PGBD5: variants seen among roughly 807,000 people sequenced by gnomAD.
The protein encoded by PGBD5 is piggyBac transposable element-derived protein 5.
PGBD5 carries 14 observed loss-of-function variants against 47.9 expected under a neutral mutation model. The observed-to-expected ratio is 0.29, with a 90% confidence interval of 0.19 to 0.46. The LOEUF is 0.46. PGBD5 is among the 20% of genes least tolerant of loss of function. The probability of loss-of-function intolerance (pLI) is 1.00; values close to 1 mark genes in which losing one functional copy is unlikely to be tolerated. For synonymous variants in PGBD5, 316 were observed against 306.3 expected (o/e 1.03, Z -0.33); for missense variants, 635 against 716.0 (o/e 0.89, Z 1.29).
chr1:230,360,457 C>A (rs1291221685), intron 1 of PGBD5, among the ~76,000 whole-genome samples: 1 of 152,160 alleles, frequency 6.6e-6, no homozygotes, highest in East Asian at 1.9e-4. Flanking sequence ...CAAATCTCAT[C>A]TTGAATTGTA....
chr1:230,411,900 A>G (rs1265491017), intron 1 of PGBD5, among the ~76,000 whole-genome samples: 1 of 152,226 alleles, frequency 6.6e-6, no homozygotes, highest in Non-Finnish European at 1.5e-5. Flanking sequence ...GCATTTAATA[A>G]AAGTTTTTAA....
intron 1 of PGBD5, among the ~76,000 whole-genome samples, chr1:230,383,395 C>T (rs556629965): frequency 7.0e-4 from 105 of 150,690 alleles, no homozygotes; most frequent in Non-Finnish European, 1.3e-3. Context: ...GAGAGAGTCT[C>T]ACTCTGTCAC....
intron 2 of PGBD5, among the ~76,000 whole-genome samples, chr1:230,356,382 G>C (rs1667645641): frequency 1.3e-5 from 2 of 152,176 alleles, no homozygotes; most frequent in Admixed American, 1.3e-4. Context: ...AATCAGACCA[G>C]AGATGCCTGG....
intron 1 of PGBD5, among the ~76,000 whole-genome samples, chr1:230,358,920 G>C (rs76749101): frequency 0.024 from 3,631 of 152,262 alleles, 124 homozygotes; most frequent in African/African-American, 0.081. Flanking sequence ...CTGTCATTAA[G>C]TGAAGCATGA....
In PGBD5 at chr1:230,400,336, CT is replaced by C. The variant is rs1358340930; in HGVS notation, c.331+25261del. Among the ~76,000 whole-genome samples the C allele has an allele frequency of 2.0e-5, 3 of 152,134 alleles. No individual in the cohort carries two copies. In the East Asian group the frequency reaches 5.8e-4, roughly 29 times the overall value. ...ATTCTGCAACAGACGCCTTCCACCC[CT>C]CCCCCACACTCTCAAGCCCCCTAAA... is the stretch of plus-strand genomic sequence containing the variant. On this transcript the variant is annotated intron_variant, in intron 1 of 6. Transcript: ENST00000391860.
At chr1:230,404,670 G>C (rs1030364880) in intron 1 of PGBD5, among the ~76,000 whole-genome samples, 1 of 146,662 alleles carries the variant, frequency 6.8e-6, no homozygotes, top group Non-Finnish European at 1.5e-5. Context: ...GGTGGCTTAC[G>C]CCTGTAATCC....
At chr1:230,365,570 T>G (rs1667815601) in intron 1 of PGBD5, among the ~76,000 whole-genome samples, 1 of 152,198 alleles carries the variant, frequency 6.6e-6, no homozygotes, top group South Asian at 2.1e-4. Flanking sequence ...GCCTTCCACC[T>G]GCAGATGACC....
chr1:230,358,346 G>A (rs769763767), intron 1 of PGBD5, among the ~76,000 whole-genome samples: 2 of 152,122 alleles, frequency 1.3e-5, no homozygotes, highest in Non-Finnish European at 2.9e-5. Flanking sequence ...GCATGGCTAC[G>A]GCTTTCTGGC....
intron 1 of PGBD5, among the ~76,000 whole-genome samples, chr1:230,388,123 G>C (rs1464143584): frequency 6.6e-6 from 1 of 152,212 alleles, no homozygotes; most frequent in Non-Finnish European, 1.5e-5. Context: ...TACTGCAATG[G>C]AGAGCCACTG....
At chr1:230,360,738 C>G (rs1027309302) in intron 1 of PGBD5, among the ~76,000 whole-genome samples, 3 of 152,114 alleles carry the variant, frequency 2.0e-5, no homozygotes, top group Non-Finnish European at 2.9e-5. Context: ...GATTATCCAC[C>G]CTCAGGTATT....
intron 1 of PGBD5, chr1:230,377,767 TGC>T: frequency 7.7e-7 from 1 of 1,294,038 alleles, no homozygotes; most frequent in Non-Finnish European, 1.0e-6. Flanking sequence ...TAAAGCACAG[TGC>T]AGCATCCGGC....
intron 5 of PGBD5, among the ~76,000 whole-genome samples, 162 bp from the exon 6 acceptor site, chr1:230,325,577 C>T (rs1667103033): frequency 6.6e-6 from 1 of 152,148 alleles, no homozygotes; most frequent in African/African-American, 2.4e-5. Flanking sequence ...GCACCAACCA[C>T]CAGGTGCTTC....
intron 1 of PGBD5, among the ~76,000 whole-genome samples, chr1:230,403,175 C>A (rs1162523532): frequency 6.6e-6 from 1 of 152,214 alleles, no homozygotes; most frequent in Non-Finnish European, 1.5e-5. Flanking sequence ...CCAAAGCACA[C>A]CCCATTCAAT....
chr1:230,368,168 G>A (rs748810227), intron 1 of PGBD5: 1 of 1,364,894 alleles, frequency 7.3e-7, no homozygotes, highest in Non-Finnish European at 9.8e-7. Context: ...ATAAGGTGGA[G>A]GAGAGAGAAG....
chr1:230,403,781 C>G (rs1212959279), intron 1 of PGBD5, among the ~76,000 whole-genome samples: 1 of 152,206 alleles, frequency 6.6e-6, no homozygotes, highest in Non-Finnish European at 1.5e-5. Context: ...AGACCCAGGC[C>G]CCCTGAGCCA....
At chr1:230,350,020 G>A (rs1004309328) in intron 3 of PGBD5, among the ~76,000 whole-genome samples, 5 of 152,362 alleles carry the variant, frequency 3.3e-5, no homozygotes, top group African/African-American at 1.2e-4. Context: ...TGGAGTGGAT[G>A]TGGGGAGGAG....
At chr1:230,405,289 G>T (rs12725239) in intron 1 of PGBD5, among the ~76,000 whole-genome samples, 7,787 of 151,864 alleles carry the variant, frequency 0.051, 250 homozygotes, top group Middle Eastern at 0.13. Context: ...CTTATACCCG[G>T]ATTTCCTTCC....
At position 230,323,730 on chromosome 1, in the gene PGBD5, C is replaced by T. The variant is rs12083735; in HGVS notation, c.1380-110G>A. On this transcript the variant is annotated intron_variant, in intron 6 of 6. Coordinates refer to ENST00000391860, the MANE Select transcript of PGBD5 (RefSeq NM_001258311.2). This position sits in a 1 kb window ranked among gnomAD's most constrained non-coding sequence, Gnocchi z 4.1. ...CCGTGAGACGCTGCAGGTTCGCCCC[C>T]GACAGAAGCAGGAGGGCTATGGGGG... is the stretch of plus-strand genomic sequence containing the variant. 60,462 of 1,087,052 alleles carry T rather than the reference C, an allele frequency of 0.056. 3,075 individuals carry two copies. The highest frequency in any genetic ancestry group is 0.25 in the African/African-American group (15,592 of 63,566). 67.3% of individuals were successfully genotyped at this position (1,087,052 alleles called of 1,614,324 possible).
chr1:230,404,626 A>AT (rs1558213162), intron 1 of PGBD5, among the ~76,000 whole-genome samples: 4,588 of 133,632 alleles, frequency 0.034, 79 homozygotes, highest in East Asian at 0.13. Context: ...AAAAAAAAAA[A>AT]AAAATATATA....
Sources: gnomAD v4.1 joint callset for allele counts (sites outside exome capture counted in the v4.1 genomes callset) on GRCh38, gnomAD v4.1.1 for gene constraint, Gnocchi (gnomAD v3.1) non-coding constraint, MANE v1.5 for transcripts, NCBI Gene and HGNC (gene_info 2026-07-23, HGNC 2026-07-21) for gene names.